DCDC1: variants seen among roughly 807,000 people sequenced by gnomAD.
DCDC1 encodes doublecortin domain containing 1.
Under a neutral mutation model 178.3 loss-of-function variants are expected in DCDC1, and 200 were observed. The ratio of observed to expected loss-of-function variants is 1.12; its 90% confidence interval spans 1.00 to 1.26. The LOEUF (loss-of-function observed/expected upper bound fraction) is 1.26. Ranked by LOEUF, DCDC1 falls within the 50% of genes most tolerant of loss-of-function variation. The pLI is 0.00. For missense variants in DCDC1, 1,983 were observed against 1,749.2 expected (o/e 1.13, Z -2.38); for synonymous variants, 690 against 604.8 (o/e 1.14, Z -2.07).
At chr11:30,921,979 C>G (rs1946276163) in intron 24 of DCDC1, among the ~76,000 whole-genome samples, 1 of 152,038 alleles carries the variant, frequency 6.6e-6, no homozygotes, top group South Asian at 2.1e-4. Context: ...CTCCAGAGGG[C>G]CACAGGAAGC....
chr11:31,321,649 C>G (rs1221830722), intron 3 of DCDC1, among the ~76,000 whole-genome samples: 2 of 152,202 alleles, frequency 1.3e-5, no homozygotes, highest in Non-Finnish European at 2.9e-5. Context: ...TAGACCGGAG[C>G]TGTTCCTATT....
intron 20 of DCDC1, among the ~76,000 whole-genome samples, chr11:31,050,124 T>G (rs907132303): frequency 1.3e-5 from 2 of 152,082 alleles, no homozygotes; most frequent in East Asian, 3.9e-4. Context: ...CAAGTCCATC[T>G]CGCCCTCATC....
At chr11:31,194,031 T>C (rs1329730858) in intron 9 of DCDC1, among the ~76,000 whole-genome samples, 1 of 152,038 alleles carries the variant, frequency 6.6e-6, no homozygotes, top group African/African-American at 2.4e-5. Flanking sequence ...ATCTACAAGG[T>C]CCATCCTTCG....
rs896427377 is a variant in DCDC1, at chr11:31,144,506, T to C, written c.1222-6722A>G. Among the ~76,000 whole-genome samples, 3 of 152,306 alleles carry C rather than the reference T, an allele frequency of 2.0e-5. No individual in the cohort carries two copies. In the South Asian group the frequency reaches 6.2e-4, roughly 32 times the overall value. ...TTCCTCTACATAGTTGTAGCATTTATGTTTTCACTAGCTATAAATAAAAAC... is the reference window on the plus strand; with the variant it reads ...TTCCTCTACATAGTTGTAGCATTTACGTTTTCACTAGCTATAAATAAAAAC... On this transcript the variant is annotated intron_variant, in intron 9 of 38. Coordinates refer to ENST00000684477, the MANE Select transcript of DCDC1 (RefSeq NM_001387274.1).
At chr11:31,190,537 C>A (rs866760622) in intron 9 of DCDC1, among the ~76,000 whole-genome samples, 1 of 151,996 alleles carries the variant, frequency 6.6e-6, no homozygotes, top group Non-Finnish European at 1.5e-5. Context: ...GCAAACACTG[C>A]TATAATGAAT....
chr11:31,365,256 A>C (rs935803919), intron 1 of DCDC1, among the ~76,000 whole-genome samples: 1 of 152,184 alleles, frequency 6.6e-6, no homozygotes, highest in Non-Finnish European at 1.5e-5. Flanking sequence ...ACTTTTAAAA[A>C]TCAAATAACT....
At chr11:31,086,015 G>A (rs571540289) in intron 17 of DCDC1, among the ~76,000 whole-genome samples, 2 of 152,228 alleles carry the variant, frequency 1.3e-5, no homozygotes, top group African/African-American at 4.8e-5. Flanking sequence ...TTACAGGTGT[G>A]AGCCACTATG....
chr11:31,090,411 G>C (rs1339008386), intron 17 of DCDC1, among the ~76,000 whole-genome samples: 1 of 152,140 alleles, frequency 6.6e-6, no homozygotes, highest in African/African-American at 2.4e-5. Flanking sequence ...TAGTAGGTAT[G>C]GCCTTGAGCA....
At position 31,259,527 on chromosome 11, in the gene DCDC1, A is replaced by T. The variant is rs532800302; in HGVS notation, c.1054+5980T>A. Among the ~76,000 whole-genome samples the T allele has an allele frequency of 2.3e-3, 355 of 152,276 alleles. 1 individual carries two copies. The highest frequency in any genetic ancestry group is 6.7e-3 in the African/African-American group (279 of 41,562). The stretch of plus-strand genomic sequence containing the variant: ...AGGTAAATACTATAATTCCTATCTT[A>T]TAGATAAGGAAACTGACTCTCAGAG... On this transcript the variant is annotated intron_variant, in intron 8 of 38. Transcript: ENST00000684477.
At position 31,307,780 on chromosome 11, in the gene DCDC1, G is replaced by C; in HGVS notation, c.293C>G (p.Ser98Cys). Residue 98 changes from serine to cysteine, a missense_variant, in exon 4 of 39, where the codon TCC becomes TGC. Physicochemically the swap from Ser to Cys is moderately radical, Grantham distance 112 (BLOSUM62 -1). Transcript: ENST00000684477. ...VSEGSGLQDCSTHQTASDHSH... is the reference protein window; with the variant it reads ...VSEGSGLQDCCTHQTASDHSH... ...GTGATCTGATGCTGTTTGATGTGTG[G>C]AGCAATCTTGAAGTCCTGACCCTTC... 2 of 1,614,072 alleles carry C rather than the reference G, an allele frequency of 1.2e-6. No individual in the cohort carries two copies. Among genetic ancestry groups the C allele is most frequent in the Non-Finnish European group, 1.7e-6 (2 of 1,179,986 alleles).
chr11:31,314,565 G>A (rs1948951954), intron 3 of DCDC1: 1 of 152,158 alleles, frequency 6.6e-6, no homozygotes, highest in African/African-American at 2.4e-5. Context: ...GATGCTCAGG[G>A]TCCTCTTCCA....
chr11:31,345,548 A>C (rs1339547051), intron 1 of DCDC1, among the ~76,000 whole-genome samples: 2 of 152,160 alleles, frequency 1.3e-5, no homozygotes, highest in Non-Finnish European at 2.9e-5. Flanking sequence ...AGTCAACTTA[A>C]AGGTAATTCC....
intron 1 of DCDC1, among the ~76,000 whole-genome samples, chr11:31,359,910 T>G (rs1951621089): frequency 6.6e-6 from 1 of 152,208 alleles, no homozygotes; most frequent in Non-Finnish European, 1.5e-5. Context: ...GACTTGGGTT[T>G]GAATTTTTGC....
chr11:31,262,267 A>AG (rs1944846466), intron 8 of DCDC1, among the ~76,000 whole-genome samples: 1 of 119,916 alleles, frequency 8.3e-6, no homozygotes, highest in Non-Finnish European at 1.7e-5. Flanking sequence ...ACCTTGTCTC[A>AG]GGAAAAAAAA....
intron 21 of DCDC1, chr11:30,943,105 T>C (rs1214101603): frequency 6.6e-6 from 1 of 152,160 alleles, no homozygotes; most frequent in Non-Finnish European, 1.5e-5. Flanking sequence ...ATTGGTTTTC[T>C]CTGTGTTCAC....
chr11:30,878,603 A>G lies in DCDC1; in HGVS notation c.5342T>C (p.Leu1781Pro). 3 of 1,606,072 alleles carry G rather than the reference A, an allele frequency of 1.9e-6. No homozygotes were observed. Among genetic ancestry groups the G allele is most frequent in the Non-Finnish European group, 2.5e-6 (3 of 1,177,378 alleles). Residue 1781 changes from leucine to proline, a missense_variant, in exon 38 of 39, where the codon CTG (leucine) becomes CCG (proline). Coordinates refer to ENST00000684477, the MANE Select transcript of DCDC1 (RefSeq NM_001387274.1). ...TAGGAGTTAATTGTGGAGATGTGCC[A>G]GAGACAGCAGCTTCGTGGATGGTGA... ...VVSPSTKLLS[L>P]AHLHN
chr11:30,939,624 C>T (rs548005459), intron 21 of DCDC1, among the ~76,000 whole-genome samples: 1 of 152,154 alleles, frequency 6.6e-6, no homozygotes, highest in East Asian at 1.9e-4. Flanking sequence ...ATAAACCGTC[C>T]CTTTCCTCTC....
At chr11:30,895,066 C>T (rs773750949) in intron 34 of DCDC1, among the ~76,000 whole-genome samples, 2 of 152,190 alleles carry the variant, frequency 1.3e-5, no homozygotes, top group East Asian at 3.9e-4. Flanking sequence ...TAAAAAGTCA[C>T]ACTTATGAAA....
chr11:31,054,257 A>G (rs1486288597), intron 20 of DCDC1, among the ~76,000 whole-genome samples: 3 of 151,730 alleles, frequency 2.0e-5, no homozygotes, highest in Admixed American at 6.6e-5. Flanking sequence ...AAAAAAAAAA[A>G]ACAACTTAAG....
Sources: gnomAD v4.1 joint callset for allele counts (sites outside exome capture counted in the v4.1 genomes callset) on GRCh38, gnomAD v4.1.1 for gene constraint, MANE v1.5 for transcripts, NCBI Gene and HGNC (gene_info 2026-07-23, HGNC 2026-07-21) for gene names.